Variants in LPA observed in about 807,000 individuals in gnomAD.
LPA encodes apolipoprotein(a).
Under a neutral mutation model 197.9 loss-of-function variants are expected in LPA, and 199 were observed. That is an observed-to-expected ratio of 1.01 (90% CI 0.90 to 1.13). The LOEUF is 1.13. LPA is among the 50% of genes most tolerant of loss of function. The pLI, the probability that LPA is intolerant of heterozygous loss-of-function variation, is 0.00. For missense variants in LPA, 1,853 were observed against 1,785.8 expected (o/e 1.04, Z -0.68); for synonymous variants, 715 against 639.5 (o/e 1.12, Z -1.78).
At chr6:160,543,679 A>G (rs1227908514) in intron 33 of LPA, among the ~76,000 whole-genome samples, 2 of 152,232 alleles carry the variant, frequency 1.3e-5, no homozygotes, top group African/African-American at 4.8e-5. Flanking sequence ...TACAGTAAAC[A>G]TGCATCATTG....
intron 1 of LPA, among the ~76,000 whole-genome samples, chr6:160,661,767 C>T (rs1367210): frequency 0.87 from 132,078 of 152,252 alleles, 57,420 homozygotes; most frequent in African/African-American, 0.91. Flanking sequence ...GTCTTCACCC[C>T]GCACTGTTTC....
chr6:160,602,994 GTTTT>G (rs10548212), intron 18 of LPA, among the ~76,000 whole-genome samples: 12,357 of 121,444 alleles, frequency 0.1, 599 homozygotes, highest in Non-Finnish European at 0.14. Context: ...GAATCATACA[GTTTT>G]TTTTTTTTTT....
chr6:160,610,021 T>G (rs1309259372), intron 16 of LPA, among the ~76,000 whole-genome samples: 1 of 152,340 alleles, frequency 6.6e-6, no homozygotes, highest in East Asian at 1.9e-4. Flanking sequence ...ATATGATACC[T>G]GCTTTGTTGC....
intron 1 of LPA, among the ~76,000 whole-genome samples, chr6:160,658,803 C>T (rs931254909): frequency 1.3e-4 from 20 of 151,882 alleles, no homozygotes; most frequent in African/African-American, 4.6e-4. Context: ...TATTCTGTTC[C>T]TCAAGAACCA....
intron 19 of LPA, among the ~76,000 whole-genome samples, chr6:160,600,043 A>G (rs1779208457): frequency 6.6e-6 from 1 of 152,206 alleles, no homozygotes; most frequent in South Asian, 2.1e-4. Flanking sequence ...TCCAAGCATT[A>G]AAATGGTTTT....
At chr6:160,626,199 AT>A (rs1327511054) in intron 10 of LPA, among the ~76,000 whole-genome samples, 6 of 135,792 alleles carry the variant, frequency 4.4e-5, no homozygotes, top group Admixed American at 2.1e-4. Flanking sequence ...CGATTCTGTG[AT>A]TTTTTTTAAT....
chr6:160,611,473 A>G, intron 16 of LPA, 89 bp downstream of exon 16: 5 of 1,563,564 alleles, frequency 3.2e-6, no homozygotes, highest in Non-Finnish European at 4.4e-6. Flanking sequence ...ACACAAGTTG[A>G]GTTCGGAGAA....
At chr6:160,538,131 G>A (rs1777922402) in intron 36 of LPA, among the ~76,000 whole-genome samples, 170 bp from the exon 37 acceptor site, 1 of 152,220 alleles carries the variant, frequency 6.6e-6, no homozygotes, top group African/African-American at 2.4e-5. Flanking sequence ...TTTGCCTGTG[G>A]TTGCCTATGG....
chr6:160,600,553 G>A (rs530337406), intron 19 of LPA, among the ~76,000 whole-genome samples: 1 of 152,292 alleles, frequency 6.6e-6, no homozygotes, highest in East Asian at 1.9e-4. Flanking sequence ...TGCACTGAAT[G>A]CTGTCTACTT....
intron 24 of LPA, 149 bp from the exon 25 acceptor site, chr6:160,586,779 A>T: frequency 1.9e-6 from 2 of 1,030,196 alleles, no homozygotes; most frequent in South Asian, 1.4e-5. Flanking sequence ...ATGGTCCTCA[A>T]CTTCTAAACA....
Position 160,594,124 on chromosome 6 carries a change from T to A in LPA, c.3470-7A>T. 3 of 1,613,714 alleles carry A rather than the reference T, an allele frequency of 1.9e-6. No homozygotes were observed. Among genetic ancestry groups the A allele is most frequent in the Non-Finnish European group, 2.5e-6 (3 of 1,179,752 alleles). ...GGGCTTTGCTCCGTTGGTGCTGAAA[T>A]TCAAAGAGGAGAAATCAAGCTGAGT... On this transcript the variant is annotated splice_region_variant and splice_polypyrimidine_tract_variant and intron_variant, in intron 21 of 38. Transcript: ENST00000316300.
chr6:160,537,993 C>G (rs1390124297), intron 36 of LPA, 32 bp from the exon 37 acceptor site: 1 of 1,594,710 alleles, frequency 6.3e-7, no homozygotes, highest in South Asian at 1.1e-5. Context: ...TTATGTTTCA[C>G]TGCCCAGCTG....
chr6:160,597,157 T>A (rs190213791), intron 20 of LPA, among the ~76,000 whole-genome samples: 2 of 152,216 alleles, frequency 1.3e-5, no homozygotes, highest in Non-Finnish European at 2.9e-5. Flanking sequence ...TAGTTCGGTA[T>A]AATGTTAAAT....
At chr6:160,587,751 T>TGTG (rs1778938496) in intron 24 of LPA, among the ~76,000 whole-genome samples, 3 of 125,382 alleles carry the variant, frequency 2.4e-5, no homozygotes, top group African/African-American at 9.2e-5. Context: ...GGTTCAGTCT[T>TGTG]TGTGTGTGTG....
chr6:160,596,355 A>G (rs1779132045), intron 20 of LPA, among the ~76,000 whole-genome samples: 1 of 149,014 alleles, frequency 6.7e-6, no homozygotes, highest in Non-Finnish European at 1.5e-5. Flanking sequence ...ACTGGTTTGG[A>G]CTACTTCCTT....
chr6:160,551,239 T>C lies in LPA; in HGVS notation c.4974-2580A>G, dbSNP rs187913747. Among the ~76,000 whole-genome samples, 532 of 152,330 alleles carry C rather than the reference T, an allele frequency of 3.5e-3. 2 individuals carry two copies. The highest frequency in any genetic ancestry group is 5.4e-3 in the Non-Finnish European group (370 of 68,028). Reference sequence around the variant, plus strand: ...GTCTTCTTAATAATATCCATGTCCATTGGGTGTTTGGTGACATCTCATGAT... The same window carrying C: ...GTCTTCTTAATAATATCCATGTCCACTGGGTGTTTGGTGACATCTCATGAT... On this transcript the variant is annotated intron_variant, in intron 30 of 38. Transcript: ENST00000316300.
intron 18 of LPA, among the ~76,000 whole-genome samples, chr6:160,604,731 G>T (rs922881681): frequency 1.3e-5 from 2 of 152,130 alleles, no homozygotes; most frequent in Non-Finnish European, 2.9e-5. Flanking sequence ...AGGAGAAAAG[G>T]CTGCATTGAA....
chr6:160,537,751 A>G, intron 37 of LPA, 104 bp downstream of exon 37: 1 of 1,093,722 alleles, frequency 9.1e-7, no homozygotes, highest in Non-Finnish European at 1.4e-6. Context: ...GGTAGACCAC[A>G]TTCATGGGTA....
intron 26 of LPA, among the ~76,000 whole-genome samples, chr6:160,580,911 A>G (rs1471770141): frequency 6.6e-6 from 1 of 152,166 alleles, no homozygotes; most frequent in Non-Finnish European, 1.5e-5. Flanking sequence ...TTTTTATTCA[A>G]TGAATGTCCA....
Sources: gnomAD v4.1 joint callset for allele counts (sites outside exome capture counted in the v4.1 genomes callset) on GRCh38, gnomAD v4.1.1 for gene constraint, MANE v1.5 for transcripts, NCBI Gene and HGNC (gene_info 2026-07-23, HGNC 2026-07-21) for gene names.